Variants in RABGAP1L observed in about 807,000 individuals in gnomAD.
RABGAP1L encodes RAB GTPase activating protein 1 like.
A neutral mutation model predicts 137.7 loss-of-function variants in RABGAP1L; 63 were observed. The observed-to-expected ratio is 0.46, with a 90% CI of 0.37 to 0.56. The LOEUF (loss-of-function observed/expected upper bound fraction) is 0.56. RABGAP1L is among the 20% of genes least tolerant of loss of function. RABGAP1L has a pLI of 0.00. For synonymous variants in RABGAP1L, 431 were observed against 433.7 expected, an observed-to-expected ratio of 0.99 and a Z score of 0.08; for missense variants, 1,095 against 1,244.0, an observed-to-expected ratio of 0.88 and a Z score of 1.80.
At chr1:174,348,209 C>A (rs955635323) in intron 11 of RABGAP1L, among the ~76,000 whole-genome samples, 6 of 150,780 alleles carry the variant, frequency 4.0e-5, no homozygotes, top group African/African-American at 2.4e-5. Context: ...TAAATAATAT[C>A]TTATAACCCA....
chr1:174,658,551 G>T (rs1676137284), intron 14 of RABGAP1L, among the ~76,000 whole-genome samples: 1 of 152,100 alleles, frequency 6.6e-6, no homozygotes, highest in Non-Finnish European at 1.5e-5. Context: ...CAGTTCTCTT[G>T]TGTGCAAATA....
At chr1:174,772,698 G>A (rs1431520651) in intron 18 of RABGAP1L, among the ~76,000 whole-genome samples, 1 of 147,212 alleles carries the variant, frequency 6.8e-6, no homozygotes, top group Non-Finnish European at 1.5e-5. Flanking sequence ...TTTTCATCTT[G>A]CAAAACTGAA....
At chr1:174,196,662 A>C (rs1461472289) in intron 1 of RABGAP1L, among the ~76,000 whole-genome samples, 1 of 150,768 alleles carries the variant, frequency 6.6e-6, no homozygotes, top group South Asian at 2.1e-4. Context: ...AATTTCTCCA[A>C]ATCTTAGATT....
intron 11 of RABGAP1L, among the ~76,000 whole-genome samples, chr1:174,336,853 ATGTGTG>A (rs148867931): frequency 2.0e-5 from 3 of 146,462 alleles, no homozygotes; most frequent in African/African-American, 2.5e-5. Flanking sequence ...GTGTTTATAA[ATGTGTG>A]TGTGTGTGTG....
chr1:174,606,171 C>T (rs949186039), intron 13 of RABGAP1L, among the ~76,000 whole-genome samples: 7 of 152,138 alleles, frequency 4.6e-5, no homozygotes, highest in Non-Finnish European at 7.3e-5. Context: ...TTGAAGACTC[C>T]TCATATAGTA....
intron 13 of RABGAP1L, among the ~76,000 whole-genome samples, chr1:174,585,320 C>G (rs2148106222): frequency 6.6e-6 from 1 of 152,228 alleles, no homozygotes; most frequent in South Asian, 2.1e-4. Flanking sequence ...ATTTTAGGAC[C>G]CCCCACCCAA....
chr1:174,677,120 G>C (rs1214095724), intron 14 of RABGAP1L, among the ~76,000 whole-genome samples: 2 of 147,954 alleles, frequency 1.4e-5, no homozygotes, highest in African/African-American at 2.6e-5. Flanking sequence ...TCAGGAATTT[G>C]AGACCAGTCT....
chr1:174,214,916 C>T lies in RABGAP1L; in HGVS notation c.-33-4209C>T, dbSNP rs761170287. Among the ~76,000 whole-genome samples, 6 of 152,120 alleles carry T rather than the reference C, an allele frequency of 3.9e-5. No individual in the cohort carries two copies. In the East Asian group the frequency reaches 1.2e-3, roughly 29 times the overall value. ...GAAATTATTGGGAAACTCTCCAGGACGTTGGACTGGGCAAAGATTTATTGA... is the reference window on the plus strand; with the variant it reads ...GAAATTATTGGGAAACTCTCCAGGATGTTGGACTGGGCAAAGATTTATTGA... On this transcript the variant is annotated intron_variant, in intron 1 of 25. Coordinates refer to ENST00000681986, the MANE Select transcript of RABGAP1L (RefSeq NM_001366446.1).
chr1:174,823,569 A>G (rs1691258804), intron 19 of RABGAP1L, among the ~76,000 whole-genome samples: 1 of 152,342 alleles, frequency 6.6e-6, no homozygotes, highest in South Asian at 2.1e-4. Flanking sequence ...TTAGGCAACA[A>G]TAAAAATAAA....
chr1:174,707,277 A>T (rs984076462), intron 17 of RABGAP1L, among the ~76,000 whole-genome samples: 3 of 150,454 alleles, frequency 2.0e-5, no homozygotes, highest in Non-Finnish European at 3.0e-5. Flanking sequence ...AATGGGTCAG[A>T]TAAGAGTCCA....
chr1:174,409,114 G>T (rs1431944640), intron 13 of RABGAP1L, among the ~76,000 whole-genome samples: 1 of 152,008 alleles, frequency 6.6e-6, no homozygotes, highest in Non-Finnish European at 1.5e-5. Context: ...GTTTTTGAGG[G>T]TTTAGTCATA....
At chr1:174,638,448 C>G (rs1253687523) in intron 14 of RABGAP1L, among the ~76,000 whole-genome samples, 1 of 151,950 alleles carries the variant, frequency 6.6e-6, no homozygotes, top group African/African-American at 2.4e-5. Flanking sequence ...GGACTGTAAA[C>G]TAGTTCAACC....
chr1:174,841,042 A>G (rs1265439771), intron 19 of RABGAP1L, among the ~76,000 whole-genome samples: 1 of 152,138 alleles, frequency 6.6e-6, no homozygotes, highest in African/African-American at 2.4e-5. Flanking sequence ...TACAGAAAAT[A>G]TAAAGAATAA....
chr1:174,183,120 CT>C (rs552959584), intron 1 of RABGAP1L, among the ~76,000 whole-genome samples: 70 of 152,126 alleles, frequency 4.6e-4, no homozygotes, highest in Non-Finnish European at 7.9e-4. Context: ...TTGTTTTCAT[CT>C]TTATATACCT....
chr1:174,797,735 G>T (rs1270790160), intron 18 of RABGAP1L, among the ~76,000 whole-genome samples: 1 of 150,874 alleles, frequency 6.6e-6, no homozygotes, highest in South Asian at 2.1e-4. Context: ...GTGGGTGTGG[G>T]TGTGTGTGTG....
chr1:174,219,109 C>A lies in RABGAP1L; in HGVS notation c.-33-16C>A. ...AATCAGTAGGTTTTTTTTTTTAATC[C>A]CTTTTGTTTTTCCAGGTGGTTGTGG... is the stretch of plus-strand genomic sequence containing the variant. On this transcript the variant is annotated splice_polypyrimidine_tract_variant and intron_variant, in intron 1 of 25. Coordinates refer to ENST00000681986, the MANE Select transcript of RABGAP1L (RefSeq NM_001366446.1). 6.7e-7 allele frequency: 1 copy of A among 1,496,876 alleles called. No individual in the cohort carries two copies. The highest frequency in any genetic ancestry group is 9.0e-7 in the Non-Finnish European group (1 of 1,111,944). The allele number at this position is 1,496,876 out of a possible 1,614,324, so 92.7% of individuals were successfully genotyped here.
At chr1:174,530,933 T>G (rs913300075) in intron 13 of RABGAP1L, among the ~76,000 whole-genome samples, 4 of 152,014 alleles carry the variant, frequency 2.6e-5, no homozygotes, top group Non-Finnish European at 4.4e-5. Context: ...AATAAAGGGT[T>G]AGAAAATGAA....
chr1:174,279,873 T>A (rs1444265782), intron 10 of RABGAP1L, among the ~76,000 whole-genome samples: 1 of 152,138 alleles, frequency 6.6e-6, no homozygotes. Context: ...TAATTCTTCA[T>A]TTTGAGCCAA....
chr1:174,432,234 A>G (rs962287600), intron 13 of RABGAP1L, among the ~76,000 whole-genome samples: 27 of 152,054 alleles, frequency 1.8e-4, no homozygotes, highest in Admixed American at 1.4e-3. Context: ...TCTTGCATTA[A>G]TTTGCTTAGG....
Sources: allele counts gnomAD v4.1 joint callset (sites outside exome capture counted in the v4.1 genomes callset), GRCh38; gene constraint gnomAD v4.1.1; transcripts MANE v1.5; gene names NCBI Gene and HGNC (gene_info 2026-07-23, HGNC 2026-07-21).